CYP7B1: variants seen among roughly 807,000 people sequenced by gnomAD.
CYP7B1 encodes cytochrome P450 family 7 subfamily B member 1.
Under a neutral mutation model 42.7 loss-of-function variants are expected in CYP7B1, and 29 were observed. The ratio of observed to expected loss-of-function variants is 0.68; its 90% CI spans 0.51 to 0.93. The LOEUF (loss-of-function observed/expected upper bound fraction) is 0.93, where lower values mean the gene tolerates loss of function less well. Among genes scored for constraint, CYP7B1 ranks in the 40% least tolerant of loss-of-function variants. The pLI, the probability that CYP7B1 is intolerant of heterozygous loss-of-function variation, is 0.00. For synonymous variants in CYP7B1, 235 were observed against 218.2 expected (o/e 1.08, Z -0.68); for missense variants, 655 against 600.5 (o/e 1.09, Z -0.95).
At chr8:64,655,021 C>T (rs1256227959) in intron 1 of CYP7B1, among the ~76,000 whole-genome samples, 1 of 152,112 alleles carries the variant, frequency 6.6e-6, no homozygotes, top group Non-Finnish European at 1.5e-5. Context: ...AAAATCAACT[C>T]CAGACGGATT....
chr8:64,598,593 T>C lies in CYP7B1; in HGVS notation c.1234-1664A>G, dbSNP rs1805152655. Among the ~76,000 whole-genome samples, 3 of 152,168 alleles carry C rather than the reference T, an allele frequency of 2.0e-5. No individual in the cohort carries two copies. In the South Asian group the frequency reaches 6.2e-4, roughly 32 times the overall value. ...CTTGGATTATGACTTTTTAGTGTCT[T>C]GATATCATAAATAAGCCAGAAATCA... is the stretch of plus-strand genomic sequence containing the variant. On this transcript the variant is annotated intron_variant, in intron 5 of 5. Transcript: ENST00000310193.
intron 1 of CYP7B1, among the ~76,000 whole-genome samples, chr8:64,747,110 T>G (rs1807654375): frequency 6.7e-6 from 1 of 149,526 alleles, no homozygotes; most frequent in Non-Finnish European, 1.5e-5. Flanking sequence ...TTAAATATAT[T>G]TATTGTTATT....
chr8:64,684,581 G>C (rs1272904648), intron 1 of CYP7B1, among the ~76,000 whole-genome samples: 3 of 152,150 alleles, frequency 2.0e-5, no homozygotes, highest in East Asian at 3.8e-4. Flanking sequence ...TTTAAAAAAT[G>C]TATAAGGTCA....
intron 1 of CYP7B1, among the ~76,000 whole-genome samples, chr8:64,662,630 G>C (rs937528648): frequency 6.6e-6 from 1 of 152,120 alleles, no homozygotes; most frequent in Non-Finnish European, 1.5e-5. Flanking sequence ...CAAACAAAAT[G>C]AAGCAAAATT....
intron 1 of CYP7B1, among the ~76,000 whole-genome samples, chr8:64,655,592 A>G (rs1380823353): frequency 6.6e-6 from 1 of 152,216 alleles, no homozygotes; most frequent in Admixed American, 6.5e-5. Flanking sequence ...TAGTTCAACC[A>G]CTGTGGAAAG....
intron 1 of CYP7B1, among the ~76,000 whole-genome samples, chr8:64,758,467 C>T (rs149561798): frequency 1.8e-4 from 27 of 152,174 alleles, no homozygotes; most frequent in African/African-American, 5.3e-4. Context: ...TTCTGAGCTT[C>T]GGTTTTCTCA....
chr8:64,639,343 G>C (rs990058081), intron 1 of CYP7B1, among the ~76,000 whole-genome samples: 1 of 152,022 alleles, frequency 6.6e-6, no homozygotes, highest in African/African-American at 2.4e-5. Flanking sequence ...TATATATATT[G>C]AAATATATAG....
At chr8:64,661,845 T>C (rs1205859192) in intron 1 of CYP7B1, among the ~76,000 whole-genome samples, 6 of 152,210 alleles carry the variant, frequency 3.9e-5, no homozygotes, top group African/African-American at 1.4e-4. Flanking sequence ...TAATATGAGA[T>C]GTATGCTTTA....
At position 64,798,526 on chromosome 8, in the gene CYP7B1, C is replaced by T. The variant is rs1804748489; in HGVS notation, c.62G>A (p.Gly21Asp). 1.3e-6 allele frequency: 2 copies of T among 1,501,752 alleles called. No individual in the cohort carries two copies. Among genetic ancestry groups the T allele is most frequent in the East Asian group, 2.7e-5 (1 of 36,562 alleles). The allele number at this position is 1,501,752 out of a possible 1,614,324, so 93.0% of individuals were successfully genotyped here. A position where few individuals can be genotyped will look rare whatever the true frequency, so the allele number is the denominator to read the frequency against. ...RFSLERLGLP[G>D]LALAAALLLL... ...CAGCAGGGCCGCGGCGAGGGCCAGG[C>T]CCGGGAGGCCCAACCGCTCCAGCGA... is the stretch of plus-strand genomic sequence containing the variant. The change falls in exon 1 of 6, where the codon GGC (glycine) becomes GAC (aspartate). Residue 21 changes from glycine to aspartate, a missense_variant. Transcript: ENST00000310193.
At chr8:64,674,078 G>C (rs1384361617) in intron 1 of CYP7B1, among the ~76,000 whole-genome samples, 1 of 151,990 alleles carries the variant, frequency 6.6e-6, no homozygotes, top group Non-Finnish European at 1.5e-5. Flanking sequence ...TGTTGACAGA[G>C]CCAAGAAGTG....
chr8:64,659,581 A>G (rs1806171199), intron 1 of CYP7B1, among the ~76,000 whole-genome samples: 1 of 152,228 alleles, frequency 6.6e-6, no homozygotes, highest in Admixed American at 6.5e-5. Context: ...ATGGTTCCTA[A>G]GTTTTAGCAC....
chr8:64,779,862 G>A (rs1353324048), intron 1 of CYP7B1, among the ~76,000 whole-genome samples: 1 of 152,158 alleles, frequency 6.6e-6, no homozygotes, highest in East Asian at 1.9e-4. Flanking sequence ...TTGTTAAACA[G>A]CACTATCTAC....
chr8:64,650,446 G>A lies in CYP7B1; in HGVS notation c.123-25907C>T, dbSNP rs550525141. ...GCGGATCACCTGAGGTCAGGAGTTC[G>A]AGACCAGCGTGGCCAAAATGATGAG... On this transcript the variant is annotated intron_variant, in intron 1 of 5. Coordinates refer to ENST00000310193, the MANE Select transcript of CYP7B1 (RefSeq NM_004820.5). 3.4e-4 allele frequency among the ~76,000 whole-genome samples: 52 copies of A among 152,144 alleles called. No homozygotes were observed. The South Asian group carries it at 3.7e-3, about 11-fold the overall frequency.
intron 1 of CYP7B1, among the ~76,000 whole-genome samples, chr8:64,684,186 G>A (rs984918600): frequency 4.1e-4 from 63 of 152,188 alleles, no homozygotes; most frequent in Admixed American, 4.1e-3. Flanking sequence ...GCATGGTTGG[G>A]TTTACACACT....
At chr8:64,646,474 T>C (rs948233315) in intron 1 of CYP7B1, among the ~76,000 whole-genome samples, 3 of 152,232 alleles carry the variant, frequency 2.0e-5, no homozygotes, top group African/African-American at 7.2e-5. Flanking sequence ...TTCTAGATGG[T>C]AAATGAGCAC....
rs971772503 is a variant in CYP7B1, at chr8:64,595,423, C to A, written c.*1219G>T. Among the ~76,000 whole-genome samples, 4 of 152,168 alleles carry A rather than the reference C, an allele frequency of 2.6e-5. No individual in the cohort carries two copies. ...AGCATGAATTAACTGGACTTTATTA[C>A]CTGCCTTGCCTGCTTATATATTGCA... On this transcript the variant is annotated 3_prime_UTR_variant, in exon 6 of 6. Transcript: ENST00000310193.
chr8:64,783,696 T>C (rs1203589540), intron 1 of CYP7B1, among the ~76,000 whole-genome samples: 1 of 152,166 alleles, frequency 6.6e-6, no homozygotes, highest in Admixed American at 6.5e-5. Flanking sequence ...TGTCCTCAAT[T>C]ACAAATGACA....
chr8:64,603,421 G>A (rs1370593902), intron 5 of CYP7B1, among the ~76,000 whole-genome samples: 1 of 152,124 alleles, frequency 6.6e-6, no homozygotes, highest in Non-Finnish European at 1.5e-5. Flanking sequence ...ATCATGATAT[G>A]AATAGTAAAC....
chr8:64,668,287 CATCT>C (rs1806312644), intron 1 of CYP7B1, among the ~76,000 whole-genome samples: 1 of 152,066 alleles, frequency 6.6e-6, no homozygotes, highest in South Asian at 2.1e-4. Context: ...TCTTAGCGAC[CATCT>C]ATCAAAAATA....
Sources: allele counts gnomAD v4.1 joint callset (sites outside exome capture counted in the v4.1 genomes callset), GRCh38; gene constraint gnomAD v4.1.1; transcripts MANE v1.5; gene names NCBI Gene and HGNC (gene_info 2026-07-23, HGNC 2026-07-21).